Variants in ARHGAP22 observed in about 807,000 individuals in gnomAD.
The protein encoded by ARHGAP22 is rho GTPase-activating protein 22.
A neutral mutation model predicts 59.1 loss-of-function variants in ARHGAP22; 48 were observed. The observed-to-expected ratio is 0.81, with a 90% CI of 0.64 to 1.03. The LOEUF (loss-of-function observed/expected upper bound fraction) is 1.03, where lower values mean the gene tolerates loss of function less well. Ranked by LOEUF, ARHGAP22 falls within the 50% of genes least tolerant of loss-of-function variation. ARHGAP22 has a pLI of 0.00. For synonymous variants in ARHGAP22, 445 were observed against 416.4 expected (o/e 1.07, Z -0.84); for missense variants, 1,015 against 958.7 (o/e 1.06, Z -0.78).
chr10:48,513,624 G>C (rs1489786492), intron 3 of ARHGAP22, among the ~76,000 whole-genome samples: 1 of 152,178 alleles, frequency 6.6e-6, no homozygotes, highest in Non-Finnish European at 1.5e-5. Flanking sequence ...ATTTAATTCA[G>C]GAAATTCACT....
chr10:48,629,109 C>T (rs1490553141), intron 1 of ARHGAP22, among the ~76,000 whole-genome samples: 1 of 152,238 alleles, frequency 6.6e-6, no homozygotes, highest in African/African-American at 2.4e-5. Context: ...AACACCCAGC[C>T]CTTTCAGCCT....
chr10:48,654,794 C>A (rs888800189), upstream of ARHGAP22, among the ~76,000 whole-genome samples: 1 of 120,920 alleles, frequency 8.3e-6, no homozygotes, highest in East Asian at 2.2e-4. Flanking sequence ...TTCTTTCTTT[C>A]TTTCTTTCTT....
chr10:48,511,921 C>T lies in ARHGAP22; in HGVS notation c.323-32157G>A, dbSNP rs549026358. Among the ~76,000 whole-genome samples the T allele has an allele frequency of 3.6e-3, 542 of 152,330 alleles. 4 individuals carry two copies. The highest frequency in any genetic ancestry group is 0.014 in the Middle Eastern group (4 of 294). On this transcript the variant is annotated intron_variant, in intron 3 of 9. Transcript: ENST00000249601. ...GTGACAGGCTGAAGAACAGCAGTCC[C>T]TGGCCACCTCCCCCAATTAGCCCCC...
rs34345271 is a variant in ARHGAP22, at chr10:48,644,752, TA to T, written c.52+7481del. On this transcript the variant is annotated intron_variant, in intron 1 of 9. Transcript: ENST00000435790. ...ATGAAAATGAAAAATAATATGCCAATATTTATGGTATACAGCAAAATCACTA... is the reference window on the plus strand; with the variant it reads ...ATGAAAATGAAAAATAATATGCCAATTTTATGGTATACAGCAAAATCACTA... Among the ~76,000 whole-genome samples, 622 of 152,270 alleles carry T rather than the reference TA, an allele frequency of 4.1e-3. 13 individuals carry two copies. Among genetic ancestry groups the T allele is most frequent in the Admixed American group, 0.036 (545 of 15,294 alleles).
At chr10:48,646,625 A>G (rs1422852188) in intron 1 of ARHGAP22, among the ~76,000 whole-genome samples, 1 of 152,212 alleles carries the variant, frequency 6.6e-6, no homozygotes, top group Non-Finnish European at 1.5e-5. Context: ...TTGGCTATCC[A>G]TAAGCGAAAC....
intron 5 of ARHGAP22, among the ~76,000 whole-genome samples, chr10:48,457,550 C>A (rs1396354486): frequency 6.6e-6 from 1 of 152,202 alleles, no homozygotes; most frequent in Non-Finnish European, 1.5e-5. Flanking sequence ...GAGAGCCTGG[C>A]GGCCAGGAGT....
chr10:48,458,380 G>T (rs1304571307), intron 5 of ARHGAP22, among the ~76,000 whole-genome samples: 2 of 152,174 alleles, frequency 1.3e-5, no homozygotes, highest in African/African-American at 4.8e-5. Flanking sequence ...GGCAGGCCAG[G>T]TGGAGAAAGG....
intron 9 of ARHGAP22, among the ~76,000 whole-genome samples, chr10:48,446,995 T>C (rs2045420405): frequency 6.6e-6 from 1 of 152,202 alleles, no homozygotes; most frequent in Admixed American, 6.5e-5. Flanking sequence ...CCTTTGCTCC[T>C]GTGCTGTGGC....
intron 1 of ARHGAP22, among the ~76,000 whole-genome samples, chr10:48,650,338 A>G (rs2136213230): frequency 6.6e-6 from 1 of 152,232 alleles, no homozygotes; most frequent in East Asian, 1.9e-4. Flanking sequence ...TCATAAAAGG[A>G]TACATATTGC....
intron 3 of ARHGAP22, among the ~76,000 whole-genome samples, chr10:48,499,298 T>C (rs1254818811): frequency 6.6e-6 from 1 of 152,214 alleles, no homozygotes; most frequent in East Asian, 1.9e-4. Flanking sequence ...GCCGCCCACA[T>C]AGCTGCACCA....
At chr10:48,605,212 T>C, upstream of ARHGAP22, 2 of 985,702 alleles carry the variant, frequency 2.0e-6, no homozygotes, top group Non-Finnish European at 2.5e-6. Context: ...GAGAGGGTAC[T>C]GGGGTTCCGG....
chr10:48,444,847 CTT>C (rs2045287463), downstream of ARHGAP22: 1 of 152,214 alleles, frequency 6.6e-6, no homozygotes, highest in Non-Finnish European at 1.5e-5. Context: ...CTCCTATTCT[CTT>C]CTCTCTCCTT....
At chr10:48,554,640 C>T (rs887522535) in intron 3 of ARHGAP22, among the ~76,000 whole-genome samples, 2 of 151,362 alleles carry the variant, frequency 1.3e-5, no homozygotes, top group Admixed American at 6.6e-5. Context: ...GGTTACTCCC[C>T]AGAAAGCAGT....
intron 1 of ARHGAP22, among the ~76,000 whole-genome samples, chr10:48,588,808 G>A (rs956090554): frequency 1.3e-5 from 2 of 152,240 alleles, no homozygotes; most frequent in African/African-American, 4.8e-5. Flanking sequence ...GGATGAAAGA[G>A]CACAGGCCTT....
intron 2 of ARHGAP22, among the ~76,000 whole-genome samples, chr10:48,571,516 C>G (rs2058391878): frequency 6.6e-6 from 1 of 152,136 alleles, no homozygotes; most frequent in African/African-American, 2.4e-5. Flanking sequence ...TGGGGCTTCC[C>G]CTCCCTTGTT....
chr10:48,484,510 A>G (rs1173410568), intron 3 of ARHGAP22, among the ~76,000 whole-genome samples: 2 of 152,242 alleles, frequency 1.3e-5, no homozygotes, highest in African/African-American at 4.8e-5. Context: ...AAGCTATTAA[A>G]TATTCCCTTG....
intron 5 of ARHGAP22, among the ~76,000 whole-genome samples, chr10:48,459,186 GGGTAGGAT>G (rs66807466): frequency 0.91 from 137,735 of 151,994 alleles, 63,807 homozygotes; most frequent in East Asian, 1. Context: ...CCCCCATGAT[GGGTAGGAT>G]GGACATGGCC....
chr10:48,567,520 C>T (rs186243494), intron 2 of ARHGAP22, among the ~76,000 whole-genome samples: 1 of 152,264 alleles, frequency 6.6e-6, no homozygotes, highest in East Asian at 1.9e-4. Flanking sequence ...GTTTAGCTTG[C>T]CCTGGGAGAA....
intron 1 of ARHGAP22, among the ~76,000 whole-genome samples, chr10:48,585,703 G>A (rs992543316): frequency 1.3e-5 from 2 of 152,254 alleles, no homozygotes; most frequent in Admixed American, 1.3e-4. Flanking sequence ...GACTGTCTAG[G>A]TCCTCACCCG....
Sources: allele counts gnomAD v4.1 joint callset (sites outside exome capture counted in the v4.1 genomes callset), GRCh38; gene constraint gnomAD v4.1.1; transcripts MANE v1.5; gene names NCBI Gene and HGNC (gene_info 2026-07-23, HGNC 2026-07-21).